NEK5: variants seen among roughly 807,000 people sequenced by gnomAD.
NEK5 encodes serine/threonine-protein kinase Nek5.
A neutral mutation model predicts 109.2 loss-of-function variants in NEK5; 88 were observed. The observed-to-expected ratio is 0.81, with a 90% CI of 0.68 to 0.96. The LOEUF is 0.96. Ranked by LOEUF, NEK5 falls within the 40% of genes least tolerant of loss-of-function variation. The probability of loss-of-function intolerance (pLI) is 0.00; values close to 1 mark genes in which losing one functional copy is unlikely to be tolerated. For synonymous variants in NEK5, 283 were observed against 299.9 expected (o/e 0.94, Z 0.58); for missense variants, 834 against 920.7 (o/e 0.91, Z 1.22).
rs752254051 is a variant in NEK5 at position 52,119,376 on chromosome 13, TCA to T, written c.155_156del (p.Val52AspfsTer32). The T allele has an allele frequency of 6.2e-7, 1 of 1,603,562 alleles. No homozygotes were observed. Among genetic ancestry groups the T allele is most frequent in the Non-Finnish European group, 8.5e-7 (1 of 1,172,202 alleles). ...IQEKEASKKE[V>X]ILLEKMKHPN... is the part of the protein sequence containing the mutation. ...GGATGTTTCATCTTTTCCAGAAGAATCACTTCTTTCTTTGAAGCTTCTTTTTC... is the reference window on the plus strand; with the variant it reads ...GGATGTTTCATCTTTTCCAGAAGAATCTTCTTTCTTTGAAGCTTCTTTTTC... On this transcript the variant is annotated frameshift_variant, in exon 4 of 24. Transcript: ENST00000684899. LOFTEE classifies it high-confidence loss of function.
chr13:52,108,995 C>T (rs149562848), intron 7 of NEK5, among the ~76,000 whole-genome samples: 1 of 152,276 alleles, frequency 6.6e-6, no homozygotes, highest in East Asian at 1.9e-4. Flanking sequence ...TAAATTTAAC[C>T]ATTTCCCAAT....
At chr13:52,117,498 G>T (rs922589016) in intron 4 of NEK5, among the ~76,000 whole-genome samples, 1 of 152,150 alleles carries the variant, frequency 6.6e-6, no homozygotes, top group African/African-American at 2.4e-5. Context: ...CACAGCAGAG[G>T]TTATGTATAC....
chr13:52,062,195 A>C (rs776326896), intron 21 of NEK5: 1 of 152,204 alleles, frequency 6.6e-6, no homozygotes, highest in Non-Finnish European at 1.5e-5. Context: ...TGCCTATTTT[A>C]AATTGATTTA....
intron 12 of NEK5, among the ~76,000 whole-genome samples, chr13:52,098,427 G>A (rs1566794619): frequency 9.8e-6 from 1 of 102,460 alleles, no homozygotes; most frequent in African/African-American, 2.7e-5. Context: ...ACTTCCAAAT[G>A]GTTCTTAATT....
chr13:52,063,166 C>T (rs1028503777), intron 21 of NEK5, among the ~76,000 whole-genome samples: 6 of 152,142 alleles, frequency 3.9e-5, no homozygotes, highest in Non-Finnish European at 5.9e-5. Context: ...TCACTGCAAC[C>T]TCCCTGCCTG....
At chr13:52,076,765 A>T (rs1289406436) in intron 17 of NEK5, among the ~76,000 whole-genome samples, 1 of 152,162 alleles carries the variant, frequency 6.6e-6, no homozygotes, top group Non-Finnish European at 1.5e-5. Flanking sequence ...CTCCAGACTC[A>T]CATATCCAAC....
intron 22 of NEK5, among the ~76,000 whole-genome samples, chr13:52,051,915 A>G (rs1954509178): frequency 6.6e-6 from 1 of 152,166 alleles, no homozygotes; most frequent in African/African-American, 2.4e-5. Context: ...CAGGACAGAA[A>G]GTCATTCCTC....
chr13:52,075,603 T>C (rs1413990785), intron 19 of NEK5, among the ~76,000 whole-genome samples, 155 bp downstream of exon 19: 1 of 151,846 alleles, frequency 6.6e-6, no homozygotes, highest in African/African-American at 2.4e-5. Flanking sequence ...ACACAACATA[T>C]CCAGGTAACA....
At chr13:52,071,461 T>C (rs891420335) in intron 20 of NEK5, among the ~76,000 whole-genome samples, 1 of 152,240 alleles carries the variant, frequency 6.6e-6, no homozygotes, top group Non-Finnish European at 1.5e-5. Flanking sequence ...ATTGCACTCT[T>C]GCAACGTATC....
chr13:52,055,068 G>C (rs1270151190), intron 22 of NEK5, among the ~76,000 whole-genome samples: 1 of 152,122 alleles, frequency 6.6e-6, no homozygotes, highest in Non-Finnish European at 1.5e-5. Context: ...TTAGAAGAAT[G>C]TATGACTAGA....
intron 22 of NEK5, among the ~76,000 whole-genome samples, chr13:52,054,548 T>C (rs1954535881): frequency 2.0e-5 from 3 of 152,336 alleles, no homozygotes; most frequent in South Asian, 4.1e-4. Context: ...TAAAAGTCCC[T>C]GTCTGACAGC....
chr13:52,045,134 T>TTC (rs1227421147), intron 23 of NEK5, among the ~76,000 whole-genome samples: 18 of 143,402 alleles, frequency 1.3e-4, no homozygotes, highest in African/African-American at 3.6e-4. Flanking sequence ...AAAAATCTTT[T>TTC]TTTTTTTTTT....
intron 22 of NEK5, among the ~76,000 whole-genome samples, chr13:52,056,537 A>G (rs1175615494): frequency 6.8e-6 from 1 of 147,204 alleles, no homozygotes; most frequent in Admixed American, 6.9e-5. Context: ...AATTGACCAC[A>G]TACTTGGAAG....
chr13:52,037,265 G>A (rs1473406074), intron 23 of NEK5, 47 bp from the exon 24 acceptor site: 2 of 881,506 alleles, frequency 2.3e-6, no homozygotes, highest in Non-Finnish European at 2.7e-6. Flanking sequence ...TGAAAGTACT[G>A]AAGAATACAT....
intron 23 of NEK5, among the ~76,000 whole-genome samples, chr13:52,046,232 C>G (rs1299741149): frequency 6.6e-6 from 1 of 151,056 alleles, no homozygotes; most frequent in Admixed American, 6.6e-5. Context: ...ATCTTAACCC[C>G]TTGGGGGGCC....
intron 21 of NEK5, among the ~76,000 whole-genome samples, chr13:52,064,352 T>TG (rs1239740963): frequency 2.3e-5 from 2 of 86,268 alleles, no homozygotes; most frequent in Admixed American, 1.3e-4. Context: ...AGGAGGGAGG[T>TG]GGGGGGGTCA....
chr13:52,067,741 G>C (rs926728247), intron 20 of NEK5, among the ~76,000 whole-genome samples: 3 of 146,004 alleles, frequency 2.1e-5, no homozygotes, highest in Non-Finnish European at 3.0e-5. Flanking sequence ...AGTGTGACTG[G>C]AGTGTGGTGG....
At chr13:52,083,100 C>T (rs1955046954) in intron 17 of NEK5, among the ~76,000 whole-genome samples, 160 bp downstream of exon 17, 1 of 151,950 alleles carries the variant, frequency 6.6e-6, no homozygotes, top group Non-Finnish European at 1.5e-5. Context: ...GAGCCAAGAT[C>T]GCACGACTGC....
chr13:52,072,832 T>C (rs1355970123), intron 19 of NEK5, among the ~76,000 whole-genome samples: 5 of 152,254 alleles, frequency 3.3e-5, no homozygotes, highest in Admixed American at 2.0e-4. Context: ...TTCATACTTA[T>C]ATTGACTTAA....
Sources: gnomAD v4.1 joint callset for allele counts (sites outside exome capture counted in the v4.1 genomes callset) on GRCh38, gnomAD v4.1.1 for gene constraint, MANE v1.5 for transcripts, NCBI Gene and HGNC (gene_info 2026-07-23, HGNC 2026-07-21) for gene names.